XRRA1: variants seen among roughly 807,000 people sequenced by gnomAD.
The protein encoded by XRRA1 is X-ray radiation resistance associated 1.
Under a neutral mutation model 80.2 loss-of-function variants are expected in XRRA1, and 69 were observed. The observed-to-expected ratio is 0.86, with a 90% CI of 0.71 to 1.05. XRRA1 has a LOEUF of 1.05. XRRA1 is among the 50% of genes least tolerant of loss of function. The probability of loss-of-function intolerance (pLI) is 0.00; values close to 1 mark genes in which losing one functional copy is unlikely to be tolerated. For missense variants in XRRA1, 967 were observed against 976.4 expected (o/e 0.99, Z 0.13); for synonymous variants, 348 against 389.9 (o/e 0.89, Z 1.27).
intron 4 of XRRA1, among the ~76,000 whole-genome samples, chr11:74,935,329 A>G (rs1409053528): frequency 6.6e-6 from 1 of 152,238 alleles, no homozygotes; most frequent in Non-Finnish European, 1.5e-5. Context: ...CAGCACAAAG[A>G]CAGAAGGAAC....
At chr11:74,870,190 T>C (rs541385344) in intron 10 of XRRA1, among the ~76,000 whole-genome samples, 8 of 152,302 alleles carry the variant, frequency 5.3e-5, no homozygotes, top group Non-Finnish European at 8.8e-5. Flanking sequence ...CGGGAGAACT[T>C]AGTGAATCCC....
At chr11:74,848,951 GC>G (rs1379205396) in intron 14 of XRRA1, among the ~76,000 whole-genome samples, 1 of 152,146 alleles carries the variant, frequency 6.6e-6, no homozygotes, top group African/African-American at 2.4e-5. Context: ...ACAGCACCAG[GC>G]CCCTTTCAGG....
intron 7 of XRRA1, among the ~76,000 whole-genome samples, chr11:74,923,094 G>C (rs1047045378): frequency 6.6e-6 from 1 of 152,234 alleles, no homozygotes; most frequent in Admixed American, 6.5e-5. Context: ...TCTACCAGGG[G>C]ATCAGGACAG....
chr11:74,943,632 C>G (rs761347967), intron 2 of XRRA1, among the ~76,000 whole-genome samples: 9 of 151,672 alleles, frequency 5.9e-5, no homozygotes, highest in African/African-American at 9.7e-5. Context: ...CTCTTACCAA[C>G]TGCTGCCATG....
chr11:74,935,553 G>C, intron 4 of XRRA1, among the ~76,000 whole-genome samples: 1 of 152,222 alleles, frequency 6.6e-6, no homozygotes, highest in East Asian at 1.9e-4. Flanking sequence ...AAAGTGCCAG[G>C]ACTTGGTAAA....
Position 74,895,747 on chromosome 11 carries a change from G to A in XRRA1, c.1003+10492C>T, listed in dbSNP as rs115314758. On this transcript the variant is annotated intron_variant, in intron 10 of 18. Coordinates refer to ENST00000684022, the MANE Select transcript of XRRA1 (RefSeq NM_001378157.1). ...GATACCAGCTTAGGCACAGGATAGG[G>A]CACTGGGAAGACTTGTGAGGCCTCA... 3.6e-3 allele frequency among the ~76,000 whole-genome samples: 542 copies of A among 152,282 alleles called. 4 individuals are homozygous for A. The highest frequency in any genetic ancestry group is 0.012 in the African/African-American group (513 of 41,542).
At chr11:74,874,444 G>A (rs1291999256) in intron 10 of XRRA1, among the ~76,000 whole-genome samples, 2 of 152,100 alleles carry the variant, frequency 1.3e-5, no homozygotes, top group East Asian at 1.9e-4. Flanking sequence ...ACTCAAGCCC[G>A]AGGACCAGCT....
At chr11:74,845,629 A>G (rs1258909747) in intron 15 of XRRA1, among the ~76,000 whole-genome samples, 1 of 152,234 alleles carries the variant, frequency 6.6e-6, no homozygotes, top group Admixed American at 6.5e-5. Flanking sequence ...CAGACAAGGA[A>G]CAGCACGAGC....
rs1222112715 is a variant in XRRA1 at position 74,859,249 on chromosome 11, T to G, written c.1079A>C (p.Glu360Ala). The G allele has an allele frequency of 2.5e-6, 4 of 1,610,180 alleles. No individual in the cohort carries two copies. The South Asian group carries it at 4.4e-5, about 18-fold the overall frequency. Reference sequence around the variant, plus strand: ...CTTCAGTGACTTCACAGGAAGGATCTCGAATATGGGAGGAAGTGAACATAT... The same window carrying G: ...CTTCAGTGACTTCACAGGAAGGATCGCGAATATGGGAGGAAGTGAACATAT... The part of the protein sequence containing the change: ...TKICSLPPIF[E>A]ILPVKSLKAR... The change falls in exon 12 of 19, where the codon GAG becomes GCG. Residue 360 changes from glutamate (E) to alanine (A), a missense_variant. Coordinates refer to ENST00000684022, the MANE Select transcript of XRRA1 (RefSeq NM_001378157.1).
intron 12 of XRRA1, among the ~76,000 whole-genome samples, chr11:74,856,219 A>G (rs2041071047): frequency 6.6e-6 from 1 of 152,266 alleles, no homozygotes. Flanking sequence ...GATAATGAGC[A>G]TATAAGATGT....
chr11:74,884,223 G>T (rs1305295893), intron 10 of XRRA1, among the ~76,000 whole-genome samples: 1 of 152,110 alleles, frequency 6.6e-6, no homozygotes, highest in African/African-American at 2.4e-5. Context: ...TGCAAACATA[G>T]ATAAGCGAGC....
chr11:74,862,884 A>G (rs1334517749), intron 11 of XRRA1, 97 bp downstream of exon 11: 2 of 1,131,704 alleles, frequency 1.8e-6, no homozygotes, highest in Non-Finnish European at 2.5e-6. Context: ...TGTGATCTAT[A>G]GAAATGACTC....
At chr11:74,896,491 G>T (rs371752195) in intron 10 of XRRA1, among the ~76,000 whole-genome samples, 4 of 152,218 alleles carry the variant, frequency 2.6e-5, no homozygotes, top group African/African-American at 7.2e-5. Flanking sequence ...TTGAGTGCCA[G>T]CTTAGCTGCA....
intron 10 of XRRA1, among the ~76,000 whole-genome samples, chr11:74,896,223 A>C (rs1380325618): frequency 1.3e-5 from 2 of 152,240 alleles, no homozygotes; most frequent in Admixed American, 6.5e-5. Context: ...GCAGCCTCTT[A>C]AGGTCTCTGA....
chr11:74,936,922 C>T lies in XRRA1; in HGVS notation c.241G>A (p.Val81Met). The change falls in exon 4 of 19, where the codon GTG becomes ATG. Residue 81 changes from valine (V) to methionine (M), a missense_variant. Transcript: ENST00000684022. The part of the protein sequence containing the change: ...GKKESRRENQ[V>M]DLPGHILDQA... ...TCCAGGATATGTCCAGGAAGGTCCACCTGATTTTCCCGCCGAGACTCTTTC... is the reference window on the plus strand; with the variant it reads ...TCCAGGATATGTCCAGGAAGGTCCATCTGATTTTCCCGCCGAGACTCTTTC... 1.2e-6 allele frequency: 2 copies of T among 1,613,652 alleles called. No individual in the cohort carries two copies. Among genetic ancestry groups the T allele is most frequent in the East Asian group, 2.2e-5 (1 of 44,862 alleles).
chr11:74,923,258 T>C (rs1018548515), intron 7 of XRRA1, among the ~76,000 whole-genome samples: 2 of 152,174 alleles, frequency 1.3e-5, no homozygotes, highest in Non-Finnish European at 2.9e-5. Context: ...CCATGAATAG[T>C]TTGGGTATGA....
intron 4 of XRRA1, 116 bp from the exon 5 acceptor site, chr11:74,933,988 T>TTCAC (rs936424508): frequency 7.2e-6 from 4 of 559,252 alleles, no homozygotes; most frequent in Non-Finnish European, 1.1e-5. Flanking sequence ...TGTTTGCTTG[T>TTCAC]TCATTCATTC....
At chr11:74,924,326 T>C (rs2139110117) in intron 7 of XRRA1, among the ~76,000 whole-genome samples, 1 of 150,632 alleles carries the variant, frequency 6.6e-6, no homozygotes, top group African/African-American at 2.4e-5. Flanking sequence ...ATACAAAAAT[T>C]AGCCGGGCAT....
intron 3 of XRRA1, 45 bp downstream of exon 3, chr11:74,940,740 G>C: frequency 6.7e-7 from 1 of 1,488,838 alleles, no homozygotes; most frequent in Non-Finnish European, 9.2e-7. Context: ...TCTAAAGCAC[G>C]AGCTAGGTAT....
Sources: gnomAD v4.1 joint callset for allele counts (sites outside exome capture counted in the v4.1 genomes callset) on GRCh38, gnomAD v4.1.1 for gene constraint, MANE v1.5 for transcripts, NCBI Gene and HGNC (gene_info 2026-07-23, HGNC 2026-07-21) for gene names.